The following AMBN variants were observed in gnomAD, a reference collection of about 807,000 sequenced individuals.
AMBN encodes ameloblastin, also known as enamel matrix protein.
In AMBN, 54 loss-of-function variants were observed where a neutral mutation model predicts 48.0. The observed-to-expected ratio is 1.12, with a 90% CI of 0.90 to 1.41. The LOEUF is 1.41. AMBN is among the 40% of genes most tolerant of loss of function. The pLI is 0.00. For synonymous variants in AMBN, 186 were observed against 190.0 expected (o/e 0.98, Z 0.17); for missense variants, 571 against 547.3 (o/e 1.04, Z -0.43).
chr4:70,606,147 G>A, intron 12 of AMBN, 38 bp from the exon 13 acceptor site: 1 of 1,608,094 alleles, frequency 6.2e-7, no homozygotes, highest in Non-Finnish European at 8.5e-7. Context: ...TTAATAGCAT[G>A]TGATGATGGC....
At chr4:70,605,888 T>G (rs1295701409) in intron 12 of AMBN, among the ~76,000 whole-genome samples, 1 of 152,250 alleles carries the variant, frequency 6.6e-6, no homozygotes, top group Non-Finnish European at 1.5e-5. Flanking sequence ...TCATTTCAAC[T>G]GCTTGTTTTC....
intron 3 of AMBN, 99 bp from the exon 4 acceptor site, chr4:70,598,257 C>A: frequency 1.4e-6 from 1 of 736,602 alleles, no homozygotes; most frequent in South Asian, 3.7e-5. Context: ...AATTGATTCA[C>A]ACCAAACTTT....
At chr4:70,604,794 A>G (rs998675047) in intron 12 of AMBN, among the ~76,000 whole-genome samples, 1 of 152,100 alleles carries the variant, frequency 6.6e-6, no homozygotes, top group Non-Finnish European at 1.5e-5. Context: ...GGAGTTTGAG[A>G]CCAGCCTGGC....
At chr4:70,599,137 T>G (rs1043240236) in intron 4 of AMBN, among the ~76,000 whole-genome samples, 7 of 151,978 alleles carry the variant, frequency 4.6e-5, no homozygotes, top group African/African-American at 1.7e-4. Flanking sequence ...TGCTATGTGT[T>G]GATTTTTTAG....
At position 70,606,745 on chromosome 4, in the gene AMBN, T is replaced by G. The variant is rs1156431937; in HGVS notation, c.*15T>G. On this transcript the variant is annotated 3_prime_UTR_variant, in exon 13 of 13. Transcript: ENST00000322937. Reference sequence around the variant, plus strand: ...AAGAGCCCTGACAGCTCTAAGATATTAGCTACTTTCTGTATGCACAAGCTT... The same window carrying G: ...AAGAGCCCTGACAGCTCTAAGATATGAGCTACTTTCTGTATGCACAAGCTT... 6 of 1,593,864 alleles carry G rather than the reference T, an allele frequency of 3.8e-6. No homozygotes were observed. The highest frequency in any genetic ancestry group is 3.4e-6 in the Non-Finnish European group (4 of 1,169,526).
At chr4:70,594,841 C>T (rs1737354324) in intron 2 of AMBN, among the ~76,000 whole-genome samples, 2 of 152,192 alleles carry the variant, frequency 1.3e-5, no homozygotes, top group Non-Finnish European at 1.5e-5. Flanking sequence ...AGAACAATTG[C>T]TTATTATTGC....
intron 3 of AMBN, among the ~76,000 whole-genome samples, chr4:70,598,152 T>A (rs1389520571): frequency 6.6e-6 from 1 of 152,210 alleles, no homozygotes; most frequent in Non-Finnish European, 1.5e-5. Flanking sequence ...TAAAAGCAAC[T>A]GCATTATTTT....
intron 5 of AMBN, 121 bp downstream of exon 5, chr4:70,599,767 CG>C: frequency 1.3e-5 from 8 of 603,222 alleles, no homozygotes; most frequent in Non-Finnish European, 1.9e-5. Flanking sequence ...AAATTATTCT[CG>C]TGCCAAATAA....
chr4:70,605,779 A>C (rs116007537), intron 12 of AMBN, among the ~76,000 whole-genome samples: 1,769 of 152,274 alleles, frequency 0.012, 36 homozygotes, highest in African/African-American at 0.041. Flanking sequence ...AGTACATGGA[A>C]CTTCATTTGG....
intron 1 of AMBN, among the ~76,000 whole-genome samples, 165 bp from the exon 2 acceptor site, chr4:70,593,162 C>T (rs1245491949): frequency 6.6e-6 from 1 of 152,118 alleles, no homozygotes; most frequent in Non-Finnish European, 1.5e-5. Flanking sequence ...CTACTACATA[C>T]AAATCGGTTG....
In AMBN at chr4:70,606,417, A is replaced by T. The variant is rs1737651238; in HGVS notation, c.1031A>T (p.Glu344Val). 1 of 1,613,826 alleles carries T rather than the reference A, an allele frequency of 6.2e-7. No homozygotes were observed. The highest frequency in any genetic ancestry group is 8.5e-7 in the Non-Finnish European group (1 of 1,179,986). Residue 344 changes from glutamate (E) to valine (V), a missense_variant, in exon 13 of 13, where the codon GAG (glutamate) becomes GTG (valine). Coordinates refer to ENST00000322937, the MANE Select transcript of AMBN (RefSeq NM_016519.6). ...CTAGAAAACCCAGCTTTCCTTACAG[A>T]GCTAGAACCTGCTCCCCACGCAGGG... ...DNLENPAFLT[E>V]LEPAPHAGLL...
chr4:70,597,644 A>C (rs914409240), intron 3 of AMBN, among the ~76,000 whole-genome samples: 1 of 152,090 alleles, frequency 6.6e-6, no homozygotes, highest in Non-Finnish European at 1.5e-5. Flanking sequence ...TAAGATTATA[A>C]ATTTTTCACA....
At chr4:70,600,972 C>A (rs1737507383) in intron 5 of AMBN, among the ~76,000 whole-genome samples, 1 of 152,146 alleles carries the variant, frequency 6.6e-6, no homozygotes, top group South Asian at 2.1e-4. Context: ...AGGCACCCAC[C>A]ATGGGCCAGG....
chr4:70,602,797 G>GC lies in AMBN; in HGVS notation c.571dup (p.Leu191ProfsTer8). The GC allele has an allele frequency of 6.3e-7, 1 of 1,583,958 alleles. No individual in the cohort carries two copies. The highest frequency in any genetic ancestry group is 8.6e-7 in the Non-Finnish European group (1 of 1,162,636). On this transcript the variant is annotated frameshift_variant and splice_region_variant. Coordinates refer to ENST00000322937, the MANE Select transcript of AMBN (RefSeq NM_016519.6). LOFTEE classifies it high-confidence loss of function. ...AATTTTAATATTTATCTACAATATA[G>GC]CTCCCAGGAATGGATTTTCCTGATC...
chr4:70,596,393 A>G (rs1034110970), intron 2 of AMBN, among the ~76,000 whole-genome samples: 1 of 152,178 alleles, frequency 6.6e-6, no homozygotes, highest in African/African-American at 2.4e-5. Context: ...ATTTTGTGCT[A>G]GAATGCTTTT....
chr4:70,593,485 C>T, intron 2 of AMBN, 90 bp downstream of exon 2: 3 of 1,067,168 alleles, frequency 2.8e-6, no homozygotes, highest in Non-Finnish European at 4.3e-6. Context: ...AGAGTCCACG[C>T]ATAGACTCAC....
chr4:70,594,744 C>T (rs1481768815), intron 2 of AMBN, among the ~76,000 whole-genome samples: 2 of 152,190 alleles, frequency 1.3e-5, no homozygotes, highest in African/African-American at 4.8e-5. Flanking sequence ...GGATGAGCCT[C>T]AGTCATTCAC....
At chr4:70,600,959 A>G (rs1396704862) in intron 5 of AMBN, among the ~76,000 whole-genome samples, 2 of 152,326 alleles carry the variant, frequency 1.3e-5, no homozygotes, top group East Asian at 1.9e-4. Flanking sequence ...CGAAAAATAT[A>G]TTAGGCACCC....
chr4:70,604,783 A>T (rs1235077954), intron 12 of AMBN, among the ~76,000 whole-genome samples: 1 of 152,152 alleles, frequency 6.6e-6, no homozygotes, highest in Non-Finnish European at 1.5e-5. Context: ...ACCCGAGATC[A>T]GGAGTTTGAG....
Sources: gnomAD v4.1 joint callset for allele counts (sites outside exome capture counted in the v4.1 genomes callset) on GRCh38, gnomAD v4.1.1 for gene constraint, MANE v1.5 for transcripts, NCBI Gene and HGNC (gene_info 2026-07-23, HGNC 2026-07-21) for gene names.